Variants in KALRN observed in about 807,000 individuals in gnomAD.
KALRN encodes kalirin RhoGEF kinase.
In KALRN, 70 loss-of-function variants were observed where a neutral mutation model predicts 353.7. That is an observed-to-expected ratio of 0.20 (90% CI 0.16 to 0.24). KALRN has a LOEUF of 0.24. KALRN is among the 10% of genes least tolerant of loss of function. The pLI, the probability that KALRN is intolerant of heterozygous loss-of-function variation, is 1.00. For synonymous variants in KALRN, 1,391 were observed against 1,434.8 expected (o/e 0.97, Z 0.69); for missense variants, 2,791 against 3,756.7 (o/e 0.74, Z 6.72).
intron 5 of KALRN, among the ~76,000 whole-genome samples, chr3:124,275,700 A>C (rs1248676603): frequency 6.6e-6 from 1 of 152,234 alleles, no homozygotes; most frequent in East Asian, 1.9e-4. Context: ...GACCATGAAG[A>C]GTGTCACTGA....
intron 42 of KALRN, 66 bp from the exon 43 acceptor site, chr3:124,659,299 A>G: frequency 9.6e-7 from 1 of 1,046,592 alleles, no homozygotes. Flanking sequence ...ATGCCTTTGA[A>G]CCCTTATTCA....
At chr3:124,051,258 G>A (rs1184286158) in intron 1 of KALRN, among the ~76,000 whole-genome samples, 2 of 152,156 alleles carry the variant, frequency 1.3e-5, no homozygotes, top group African/African-American at 4.8e-5. Context: ...GAGTGAAGAT[G>A]GATTACATTA....
intron 34 of KALRN, among the ~76,000 whole-genome samples, chr3:124,574,243 CT>C (rs780708541): frequency 3.1e-4 from 47 of 152,198 alleles, no homozygotes; most frequent in Non-Finnish European, 3.1e-4. Flanking sequence ...CTAAATACAA[CT>C]CAGTGTCGTG....
At chr3:124,586,807 G>GA (rs1391928140) in intron 34 of KALRN, among the ~76,000 whole-genome samples, 1 of 152,134 alleles carries the variant, frequency 6.6e-6, no homozygotes, top group African/African-American at 2.4e-5. Flanking sequence ...GTGTGAAGAT[G>GA]AAAAACGGGC....
intron 2 of KALRN, among the ~76,000 whole-genome samples, chr3:124,228,284 C>T (rs2078797209): frequency 6.6e-6 from 1 of 152,194 alleles, no homozygotes; most frequent in Admixed American, 6.5e-5. Context: ...AAGGGACATT[C>T]CCTGAGCTTC....
At chr3:124,045,750 G>T (rs1209420432) in intron 1 of KALRN, among the ~76,000 whole-genome samples, 2 of 2,306 alleles carry the variant, frequency 8.7e-4, no homozygotes, top group East Asian at 0.029. Flanking sequence ...ACAGCCTAAT[G>T]GGGGGGGGGG....
chr3:124,354,329 G>A (rs1287580952), intron 10 of KALRN, among the ~76,000 whole-genome samples: 5 of 152,210 alleles, frequency 3.3e-5, no homozygotes, highest in Admixed American at 6.5e-5. Flanking sequence ...TGAGAAACAT[G>A]CATGCCTATG....
intron 15 of KALRN, among the ~76,000 whole-genome samples, chr3:124,428,054 A>G (rs2093104214): frequency 6.6e-6 from 1 of 152,214 alleles, no homozygotes; most frequent in Admixed American, 6.5e-5. Flanking sequence ...AGTAGAACCA[A>G]CATTTTCTCA....
At chr3:124,553,912 T>C (rs543246146) in intron 33 of KALRN, among the ~76,000 whole-genome samples, 9 of 152,336 alleles carry the variant, frequency 5.9e-5, no homozygotes, top group South Asian at 2.1e-4. Context: ...CCAGGGGCAA[T>C]GAGATGAAGA....
At position 124,427,043 on chromosome 3, in the gene KALRN, C is replaced by T. The variant is rs958559205; in HGVS notation, c.2710-3613C>T. ...TGCACCAAATGCTGGCCAAAATTTG[C>T]ATATAATCAAGATGGACATTTAGGA... On this transcript the variant is annotated intron_variant, in intron 15 of 59. Coordinates refer to ENST00000682506, the MANE Select transcript of KALRN (RefSeq NM_001388419.1). Among the ~76,000 whole-genome samples the T allele has an allele frequency of 2.0e-5, 3 of 152,142 alleles. No individual in the cohort carries two copies. In the South Asian group the frequency reaches 6.2e-4, roughly 32 times the overall value.
chr3:124,383,293 G>A (rs1346794727), intron 10 of KALRN, among the ~76,000 whole-genome samples: 1 of 152,286 alleles, frequency 6.6e-6, no homozygotes, highest in South Asian at 2.1e-4. Context: ...CAACCCTAGC[G>A]TCTCAGTTTC....
At chr3:124,433,642 T>C (rs1355711541) in intron 16 of KALRN, among the ~76,000 whole-genome samples, 2 of 148,478 alleles carry the variant, frequency 1.3e-5, no homozygotes, top group African/African-American at 5.0e-5. Flanking sequence ...CTTCTACATA[T>C]ATATGTATCT....
At chr3:124,440,326 C>A (rs1463566166) in intron 18 of KALRN, among the ~76,000 whole-genome samples, 1 of 151,900 alleles carries the variant, frequency 6.6e-6, no homozygotes, top group Admixed American at 6.6e-5. Flanking sequence ...AAATAGAAAA[C>A]CCTCTGGTCT....
At chr3:124,604,120 A>G (rs762918633) in intron 34 of KALRN, among the ~76,000 whole-genome samples, 7 of 148,080 alleles carry the variant, frequency 4.7e-5, no homozygotes, top group Non-Finnish European at 8.9e-5. Context: ...CTGAACAAAT[A>G]GATGGTCAGG....
chr3:124,694,264 A>C (rs2061955298), intron 52 of KALRN, 68 bp from the exon 53 acceptor site: 1 of 1,502,166 alleles, frequency 6.7e-7, no homozygotes, highest in Non-Finnish European at 9.2e-7. Context: ...GAGGTGTGTT[A>C]AAACAAAATG....
chr3:124,541,277 C>A (rs543424723), intron 33 of KALRN, among the ~76,000 whole-genome samples: 1 of 151,564 alleles, frequency 6.6e-6, no homozygotes, highest in Non-Finnish European at 1.5e-5. Context: ...TGGTGAAACC[C>A]CATCTCTACT....
chr3:124,441,880 T>C (rs2093679597), intron 18 of KALRN, 65 bp from the exon 19 acceptor site: 1 of 953,892 alleles, frequency 1.0e-6, no homozygotes, highest in East Asian at 2.7e-5. Context: ...AGGGTATGCC[T>C]TCTCCATTGT....
chr3:124,462,892 G>A (rs2289840), intron 25 of KALRN, among the ~76,000 whole-genome samples: 46,386 of 152,076 alleles, frequency 0.31, 7,759 homozygotes, highest in East Asian at 0.6. Context: ...AGAATGAATA[G>A]CAGGCTTTGA....
At chr3:124,678,985 GACCAAT>G (rs1468850493) in intron 50 of KALRN, among the ~76,000 whole-genome samples, 5,018 of 31,216 alleles carry the variant, frequency 0.16, 298 homozygotes, top group African/African-American at 0.45. Context: ...TCTGCCAATG[GACCAAT>G]GGACAATGGA....
Sources: gnomAD v4.1 joint callset for allele counts (sites outside exome capture counted in the v4.1 genomes callset) on GRCh38, gnomAD v4.1.1 for gene constraint, MANE v1.5 for transcripts, NCBI Gene and HGNC (gene_info 2026-07-23, HGNC 2026-07-21) for gene names.